ARHGAP44: variants seen among roughly 807,000 people sequenced by gnomAD.
ARHGAP44 encodes the protein rho GTPase-activating protein 44.
A neutral mutation model predicts 106.8 loss-of-function variants in ARHGAP44; 43 were observed. The observed-to-expected ratio is 0.40, with a 90% CI of 0.32 to 0.52. The LOEUF (loss-of-function observed/expected upper bound fraction) is 0.52. Ranked by LOEUF, ARHGAP44 falls within the 20% of genes least tolerant of loss-of-function variation. The pLI, the probability that ARHGAP44 is intolerant of heterozygous loss-of-function variation, is 0.48. For missense variants in ARHGAP44, 866 were observed against 1,050.5 expected (o/e 0.82, Z 2.43); for synonymous variants, 439 against 410.3 (o/e 1.07, Z -0.85).
At chr17:12,812,862 C>T (rs1200396516) in intron 1 of ARHGAP44, among the ~76,000 whole-genome samples, 1 of 152,210 alleles carries the variant, frequency 6.6e-6, no homozygotes, top group Admixed American at 6.5e-5. Flanking sequence ...CTTACTTTGG[C>T]ATTTTGAAAT....
rs1440722973 is a variant in ARHGAP44 at position 12,789,813 on chromosome 17, C to T, written c.-26C>T. On this transcript the variant is annotated 5_prime_UTR_variant, in exon 1 of 21. Coordinates refer to ENST00000379672, the MANE Select transcript of ARHGAP44 (RefSeq NM_014859.6). The stretch of plus-strand genomic sequence containing the variant: ...GGCTGCTCCGTCCTTCCCCAGCTCC[C>T]GGGCTAGCGCGGCAGCGGGGCCACG... 2.0e-5 allele frequency: 30 copies of T among 1,496,988 alleles called. No homozygotes were observed. The East Asian group carries it at 8.2e-4, about 41-fold the overall frequency. The allele number at this position is 1,496,988 out of a possible 1,614,324, so 92.7% of individuals were successfully genotyped here.
intron 10 of ARHGAP44, among the ~76,000 whole-genome samples, chr17:12,947,523 C>T (rs1181706510): frequency 6.6e-6 from 1 of 152,210 alleles, no homozygotes; most frequent in Non-Finnish European, 1.5e-5. Context: ...TGTGAAAAGG[C>T]TTCACTCGTG....
At chr17:12,816,400 A>T (rs1597882389) in intron 1 of ARHGAP44, among the ~76,000 whole-genome samples, 2 of 152,262 alleles carry the variant, frequency 1.3e-5, no homozygotes, top group South Asian at 4.2e-4. Flanking sequence ...ACTTAAATTA[A>T]TTTGAGTGGA....
intron 1 of ARHGAP44, among the ~76,000 whole-genome samples, chr17:12,865,569 C>G (rs1338188987): frequency 1.3e-5 from 2 of 152,036 alleles, no homozygotes; most frequent in Non-Finnish European, 2.9e-5. Flanking sequence ...GAGGGTGGAT[C>G]ACGAGGTCAG....
chr17:12,873,069 C>T (rs990500507), intron 1 of ARHGAP44, among the ~76,000 whole-genome samples: 1 of 151,848 alleles, frequency 6.6e-6, no homozygotes, highest in African/African-American at 2.4e-5. Flanking sequence ...ATTTAATAGC[C>T]TTTCGTTGCT....
chr17:12,827,212 T>C (rs2150805982), intron 1 of ARHGAP44, among the ~76,000 whole-genome samples: 1 of 152,320 alleles, frequency 6.6e-6, no homozygotes, highest in South Asian at 2.1e-4. Flanking sequence ...TCTTATAAAA[T>C]ATGTATTGTT....
chr17:12,857,844 A>G (rs2035956920), intron 1 of ARHGAP44, among the ~76,000 whole-genome samples: 1 of 151,696 alleles, frequency 6.6e-6, no homozygotes, highest in South Asian at 2.1e-4. Flanking sequence ...GGACTTGCAG[A>G]TTTAGTTAGC....
At chr17:12,875,010 A>C (rs113014447) in intron 1 of ARHGAP44, among the ~76,000 whole-genome samples, 1 of 151,926 alleles carries the variant, frequency 6.6e-6, no homozygotes, top group Non-Finnish European at 1.5e-5. Flanking sequence ...CATTGAAGAG[A>C]TGAGTTTGTT....
chr17:12,857,392 C>G (rs1004225304), intron 1 of ARHGAP44, among the ~76,000 whole-genome samples: 2 of 152,184 alleles, frequency 1.3e-5, no homozygotes, highest in Non-Finnish European at 2.9e-5. Flanking sequence ...GCCCTTCATG[C>G]TGTGTCATAA....
At chr17:12,967,730 G>A (rs532153605) in intron 16 of ARHGAP44, among the ~76,000 whole-genome samples, 58 of 152,232 alleles carry the variant, frequency 3.8e-4, no homozygotes, top group African/African-American at 1.2e-3. Flanking sequence ...ACCCTGAGCC[G>A]TCGTTCCACT....
chr17:12,819,535 G>A (rs1369716369), intron 1 of ARHGAP44, among the ~76,000 whole-genome samples: 5 of 150,276 alleles, frequency 3.3e-5, no homozygotes, highest in African/African-American at 1.2e-4. Flanking sequence ...ACTCCCACCA[G>A]TTATGTCCAG....
intron 9 of ARHGAP44, 73 bp downstream of exon 9, chr17:12,943,742 T>C (rs1375082407): frequency 6.9e-7 from 1 of 1,454,802 alleles, no homozygotes; most frequent in Non-Finnish European, 9.6e-7. Flanking sequence ...ATGAATTCCT[T>C]GTATGTCGTT....
intron 1 of ARHGAP44, among the ~76,000 whole-genome samples, chr17:12,828,642 T>TC (rs2034996698): frequency 2.1e-5 from 3 of 144,124 alleles, no homozygotes; most frequent in Admixed American, 1.4e-4. Context: ...CTTTCTTTTT[T>TC]TTTTTTTTTT....
At chr17:12,943,774 A>G (rs1157526838) in intron 9 of ARHGAP44, 105 bp downstream of exon 9, 1 of 1,231,258 alleles carries the variant, frequency 8.1e-7, no homozygotes, top group Non-Finnish European at 1.2e-6. Context: ...TCTGCCCAAC[A>G]GCATCACCTG....
At chr17:12,826,888 C>G (rs2034935311) in intron 1 of ARHGAP44, among the ~76,000 whole-genome samples, 1 of 152,198 alleles carries the variant, frequency 6.6e-6, no homozygotes, top group South Asian at 2.1e-4. Flanking sequence ...GTTTTTGTAG[C>G]CAGCAACCTC....
chr17:12,821,827 G>GTATTATA (rs2034778792), intron 1 of ARHGAP44, among the ~76,000 whole-genome samples: 1 of 152,022 alleles, frequency 6.6e-6, no homozygotes, highest in Non-Finnish European at 1.5e-5. Context: ...TCTCAGCTTT[G>GTATTATA]TATTATAGAT....
At chr17:12,968,812 C>T (rs1377629884) in intron 16 of ARHGAP44, among the ~76,000 whole-genome samples, 1 of 150,164 alleles carries the variant, frequency 6.7e-6, no homozygotes, top group Non-Finnish European at 1.5e-5. Context: ...CACTGTCGCC[C>T]AGGTTGGAGT....
chr17:12,925,135 A>G (rs1465923862), intron 6 of ARHGAP44, among the ~76,000 whole-genome samples: 3 of 152,180 alleles, frequency 2.0e-5, no homozygotes, highest in Non-Finnish European at 4.4e-5. Context: ...AGGTCACTGG[A>G]TGTCGCATGG....
At chr17:12,889,049 G>A (rs4791516) in intron 1 of ARHGAP44, among the ~76,000 whole-genome samples, 29,854 of 152,000 alleles carry the variant, frequency 0.2, 3,693 homozygotes, top group East Asian at 0.44. Context: ...TAATTGGTGT[G>A]TTTAGGCTGG....
Sources: gnomAD v4.1 joint callset for allele counts (sites outside exome capture counted in the v4.1 genomes callset) on GRCh38, gnomAD v4.1.1 for gene constraint, MANE v1.5 for transcripts, NCBI Gene and HGNC (gene_info 2026-07-23, HGNC 2026-07-21) for gene names.